Variants in CASP4 observed in about 807,000 individuals in gnomAD.
CASP4 encodes caspase 4, also known as caspase-4.
In CASP4, 29 loss-of-function variants were observed where a neutral mutation model predicts 41.3. The ratio of observed to expected loss-of-function variants is 0.70; its 90% CI spans 0.52 to 0.96. The LOEUF (loss-of-function observed/expected upper bound fraction) is 0.96. CASP4 is among the 40% of genes least tolerant of loss of function. The pLI, the probability that CASP4 is intolerant of heterozygous loss-of-function variation, is 0.00. For synonymous variants in CASP4, 185 were observed against 158.4 expected (o/e 1.17, Z -1.26); for missense variants, 447 against 460.6 (o/e 0.97, Z 0.27).
intron 1 of CASP4, chr11:104,956,538 T>C (rs1860741786): frequency 2.4e-6 from 1 of 408,916 alleles, no homozygotes; most frequent in Admixed American, 6.4e-5. Flanking sequence ...GGAACAAGAA[T>C]TGAAATCTAG....
intron 7 of CASP4, 105 bp downstream of exon 7, chr11:104,946,978 T>C (rs946181264): frequency 6.5e-6 from 5 of 772,144 alleles, no homozygotes; most frequent in Admixed American, 1.9e-5. Context: ...TGGGTACCTC[T>C]CTACTTTCAC....
intron 1 of CASP4, among the ~76,000 whole-genome samples, chr11:104,955,680 A>G (rs1035397029): frequency 1.1e-4 from 17 of 152,090 alleles, no homozygotes; most frequent in Admixed American, 2.0e-4. Context: ...AGTGTGGTGG[A>G]TTAGTTTAAT....
intron 1 of CASP4, among the ~76,000 whole-genome samples, chr11:104,962,842 C>G (rs1460723360): frequency 6.6e-6 from 1 of 152,176 alleles, no homozygotes; most frequent in African/African-American, 2.4e-5. Context: ...TTCTTGGCTT[C>G]TGGAACAATT....
At chr11:104,946,553 T>C (rs2134633274) in intron 7 of CASP4, 1 of 152,342 alleles carries the variant, frequency 6.6e-6, no homozygotes, top group South Asian at 2.1e-4. Flanking sequence ...AGCAAACCTT[T>C]CCTTCTGCAC....
At chr11:104,957,284 T>C (rs896442986) in intron 1 of CASP4, among the ~76,000 whole-genome samples, 6 of 152,118 alleles carry the variant, frequency 3.9e-5, no homozygotes, top group African/African-American at 1.4e-4. Flanking sequence ...AAAAAATAAA[T>C]AAATTTCCAT....
chr11:104,943,552 CCTTTT>C (rs1407711595), intron 8 of CASP4: 2 of 152,426 alleles, frequency 1.3e-5, no homozygotes, highest in African/African-American at 4.8e-5. Flanking sequence ...CTTTATTTTT[CCTTTT>C]ATCTTTTTTT....
At position 104,958,960 on chromosome 11, in the gene CASP4, C is replaced by CAAA. The variant is rs56678254; in HGVS notation, c.8-3962_8-3960dup. Among the ~76,000 whole-genome samples the CAAA allele has an allele frequency of 1.4e-3, 90 of 62,460 alleles. 5 individuals carry two copies. The highest frequency in any genetic ancestry group is 0.013 in the Middle Eastern group (1 of 76). The allele number at this position is 62,460 out of a possible 152,430, so 41.0% of individuals were successfully genotyped here. A position where few individuals can be genotyped will look rare whatever the true frequency, so the allele number is the denominator to read the frequency against. Reference sequence around the variant, plus strand: ...TAGGCAACAGAGTGAGACTCTGTCTCAAAAAAAAAAAAAAAAAAAAAAAAA... The same window carrying CAAA: ...TAGGCAACAGAGTGAGACTCTGTCTCAAAAAAAAAAAAAAAAAAAAAAAAAAAA... On this transcript the variant is annotated intron_variant, in intron 1 of 8. Transcript: ENST00000444739.
At chr11:104,944,946 G>C in intron 7 of CASP4, 95 bp from the exon 8 acceptor site, 1 of 839,676 alleles carries the variant, frequency 1.2e-6, no homozygotes, top group Non-Finnish European at 2.0e-6. Flanking sequence ...GGAATGAAGT[G>C]AGCTTGCAGG....
At chr11:104,950,612 T>A (rs539682794) in intron 4 of CASP4, among the ~76,000 whole-genome samples, 1 of 152,246 alleles carries the variant, frequency 6.6e-6, no homozygotes, top group South Asian at 2.1e-4. Context: ...TATACTGCCA[T>A]TTAACATTCA....
At chr11:104,963,641 C>T (rs1860909945) in intron 1 of CASP4, among the ~76,000 whole-genome samples, 1 of 152,182 alleles carries the variant, frequency 6.6e-6, no homozygotes, top group Non-Finnish European at 1.5e-5. Context: ...GAGAAGCATG[C>T]TCTGGGCCAC....
At chr11:104,943,198 G>T in intron 8 of CASP4, 2 of 312,546 alleles carry the variant, frequency 6.4e-6, no homozygotes, top group South Asian at 2.8e-5. Flanking sequence ...TTCCTGTCTC[G>T]CTCAGATAAT....
chr11:104,947,290 C>T (rs1460453540), intron 6 of CASP4, 98 bp from the exon 7 acceptor site: 3 of 675,926 alleles, frequency 4.4e-6, no homozygotes, highest in Non-Finnish European at 7.4e-6. Context: ...AAAAGCATAG[C>T]TTGGGAATTA....
At position 104,948,692 on chromosome 11, in the gene CASP4, C is replaced by T. The variant is rs763727836; in HGVS notation, c.782-16G>A. 13 of 1,575,050 alleles carry T rather than the reference C, an allele frequency of 8.3e-6. No individual in the cohort carries two copies. Among genetic ancestry groups the T allele is most frequent in the Non-Finnish European group, 1.1e-5 (13 of 1,154,474 alleles). Reference sequence around the variant, plus strand: ...CCACGGTTTGCTATGGAGACATTAACTTTCTGCACACTGCTGTGCCTCCCA... The same window carrying T: ...CCACGGTTTGCTATGGAGACATTAATTTTCTGCACACTGCTGTGCCTCCCA... On this transcript the variant is annotated splice_polypyrimidine_tract_variant and intron_variant, in intron 5 of 8. Transcript: ENST00000444739.
At chr11:104,960,060 G>C in intron 1 of CASP4, among the ~76,000 whole-genome samples, 1 of 152,078 alleles carries the variant, frequency 6.6e-6, no homozygotes, top group East Asian at 1.9e-4. Context: ...TTCTGATACT[G>C]TTCCCACCTT....
chr11:104,943,992 C>T (rs1860388117), intron 8 of CASP4: 1 of 152,116 alleles, frequency 6.6e-6, no homozygotes, highest in Admixed American at 6.6e-5. Flanking sequence ...AGAAAGTCAT[C>T]ATTTAGTCCA....
chr11:104,967,977 AC>A (rs1861012387), intron 1 of CASP4, among the ~76,000 whole-genome samples: 7 of 152,170 alleles, frequency 4.6e-5, no homozygotes, highest in Admixed American at 4.6e-4. Context: ...AACAATAACA[AC>A]GGCAAAACAA....
In CASP4 at chr11:104,956,122, T is replaced by G. The variant is rs569220195; in HGVS notation, c.8-1121A>C. Among the ~76,000 whole-genome samples the G allele has an allele frequency of 1.7e-4, 26 of 152,200 alleles. 1 individual carries two copies. The South Asian group carries it at 5.4e-3, about 32-fold the overall frequency. On this transcript the variant is annotated intron_variant, in intron 1 of 8. Coordinates refer to ENST00000444739, the MANE Select transcript of CASP4 (RefSeq NM_001225.4). ...CCATGTACTTATTATAAATAAAAAA[T>G]GAATGCATATAAAACAATTTAAATC...
chr11:104,951,956 A>T lies in CASP4; in HGVS notation c.312T>A (p.Asp104Glu). ...AGPPESGEST[D>E]ALKLCPHEEF... is the part of the protein sequence containing the mutation. The stretch of plus-strand genomic sequence containing the variant: ...CTTCATGAGGACAAAGCTTGAGGGC[A>T]TCTGTAGATTCTCCTGACTCAGGTG... The change falls in exon 3 of 9, where the codon GAT (aspartate) becomes GAA (glutamate). Residue 104 changes from aspartate (D) to glutamate (E), a missense_variant. Asp to Glu is a conservative substitution (Grantham distance 45). Coordinates refer to ENST00000444739, the MANE Select transcript of CASP4 (RefSeq NM_001225.4). 6.2e-7 allele frequency: 1 copy of T among 1,612,968 alleles called. No homozygotes were observed. The highest frequency in any genetic ancestry group is 8.5e-7 in the Non-Finnish European group (1 of 1,179,408).
chr11:104,943,197 C>T (rs1860367031), intron 8 of CASP4: 1 of 315,720 alleles, frequency 3.2e-6, no homozygotes, highest in South Asian at 2.8e-5. Context: ...CTTCCTGTCT[C>T]GCTCAGATAA....
Sources: allele counts gnomAD v4.1 joint callset (sites outside exome capture counted in the v4.1 genomes callset), GRCh38; gene constraint gnomAD v4.1.1; transcripts MANE v1.5; gene names NCBI Gene and HGNC (gene_info 2026-07-23, HGNC 2026-07-21).